KLRG1: variants seen among roughly 807,000 people sequenced by gnomAD.
The protein encoded by KLRG1 is killer cell lectin-like receptor subfamily G member 1.
In KLRG1, 16 loss-of-function variants were observed where a neutral mutation model predicts 21.8. The ratio of observed to expected loss-of-function variants is 0.73; its 90% CI spans 0.50 to 1.11. KLRG1 has a LOEUF of 1.11. KLRG1 is among the 50% of genes most tolerant of loss of function. KLRG1 has a pLI of 0.00. For synonymous variants in KLRG1, 69 were observed against 75.9 expected, an observed-to-expected ratio of 0.91 and a Z score of 0.47; for missense variants, 173 against 218.3, an observed-to-expected ratio of 0.79 and a Z score of 1.31.
the KLRG1 span, chr12:9,028,014 A>G: frequency 8.4e-7 from 1 of 1,190,938 alleles, no homozygotes; most frequent in Non-Finnish European, 1.2e-6. Flanking sequence ...AGTCTTATCC[A>G]CGGAGTCATG....
At position 9,009,532 on chromosome 12, in the gene KLRG1, C is replaced by T; in HGVS notation, c.565C>T (p.Leu189Phe). Residue 189 changes from leucine (L) to phenylalanine (F), a missense_variant, in exon 5 of 5, where the codon CTT becomes TTT. Leu to Phe is a conservative substitution (Grantham distance 22, BLOSUM62 0). Coordinates refer to ENST00000356986, the MANE Select transcript of KLRG1 (RefSeq NM_005810.4). ...PLHWVCKKVR[L>F] ...ACACTGGGTGTGTAAGAAGGTCAGA[C>T]TTTGATAGATGACCACTCTGTCCTG... The T allele has an allele frequency of 6.2e-7, 1 of 1,613,796 alleles. No homozygotes were observed.
At chr12:9,196,207 T>C in the KLRG1 span, 6 of 586,958 alleles carry the variant, frequency 1.0e-5, no homozygotes, top group Non-Finnish European at 1.8e-5. Flanking sequence ...TTCTCCTTGG[T>C]TTCATGGTTT....
At chr12:9,147,822 T>A in the KLRG1 span, among the ~76,000 whole-genome samples, 2 of 152,186 alleles carry the variant, frequency 1.3e-5, no homozygotes, top group East Asian at 3.8e-4. Context: ...GCAAAATATC[T>A]TATAGCCTTC....
intron 1 of KLRG1, among the ~76,000 whole-genome samples, chr12:8,960,575 G>C (rs1422759077): frequency 6.6e-6 from 1 of 152,142 alleles, no homozygotes; most frequent in East Asian, 1.9e-4. Context: ...CCCTGATAAA[G>C]CTTTAATATG....
chr12:9,068,018 A>G, the KLRG1 span: 1 of 979,256 alleles, frequency 1.0e-6, no homozygotes, highest in Non-Finnish European at 1.6e-6. Context: ...GAGGTTTGAC[A>G]GAGTCAGCGG....
the KLRG1 span, chr12:9,192,620 C>G: frequency 6.2e-7 from 1 of 1,614,118 alleles, no homozygotes; most frequent in Non-Finnish European, 8.5e-7. Context: ...CAGCCACAGG[C>G]TCCAGGTGAA....
chr12:9,132,233 C>A, the KLRG1 span, among the ~76,000 whole-genome samples: 1 of 152,214 alleles, frequency 6.6e-6, no homozygotes, highest in African/African-American at 2.4e-5. Context: ...CTTGGAACAC[C>A]AACCTATGGA....
At chr12:9,069,905 T>C in the KLRG1 span, 1 of 1,067,906 alleles carries the variant, frequency 9.4e-7, no homozygotes, top group Non-Finnish European at 1.4e-6. Context: ...AAAATAACCC[T>C]GAGGGTAGAA....
the KLRG1 span, chr12:9,116,152 CT>C: frequency 2.7e-6 from 1 of 368,816 alleles, no homozygotes; most frequent in Non-Finnish European, 5.3e-6. Flanking sequence ...AGCTAATAAG[CT>C]TTTCAACCTC....
the KLRG1 span, among the ~76,000 whole-genome samples, chr12:9,210,283 C>T: frequency 6.6e-5 from 10 of 152,116 alleles, no homozygotes; most frequent in Admixed American, 6.5e-4. Flanking sequence ...CCTTAATTTT[C>T]ATTATTAATG....
chr12:9,011,597 T>C (rs1212699600), downstream of KLRG1, among the ~76,000 whole-genome samples: 1 of 152,030 alleles, frequency 6.6e-6, no homozygotes, highest in African/African-American at 2.4e-5. Flanking sequence ...CACTGATTTT[T>C]CCCCCGCAGG....
the KLRG1 span, chr12:9,151,530 G>T: frequency 8.1e-7 from 1 of 1,235,790 alleles, no homozygotes; most frequent in Non-Finnish European, 1.2e-6. Flanking sequence ...TCATGTTACC[G>T]ACTATTCTAG....
the KLRG1 span, chr12:9,165,028 A>G: frequency 7.5e-7 from 1 of 1,327,240 alleles, no homozygotes; most frequent in Middle Eastern, 1.9e-4. Flanking sequence ...TCACAGTGCT[A>G]ACACACAATC....
the KLRG1 span, chr12:9,090,234 C>A: frequency 6.7e-7 from 1 of 1,501,146 alleles, no homozygotes; most frequent in South Asian, 1.2e-5. Flanking sequence ...GAATAAAAGG[C>A]AAAGGAAAAA....
At chr12:8,964,827 A>G (rs1224057756) in intron 1 of KLRG1, among the ~76,000 whole-genome samples, 1 of 150,082 alleles carries the variant, frequency 6.7e-6, no homozygotes, top group Non-Finnish European at 1.5e-5. Flanking sequence ...TGTTGGTTTA[A>G]AGTCTGTTTT....
At chr12:9,074,523 C>T in the KLRG1 span, 1 of 1,542,362 alleles carries the variant, frequency 6.5e-7, no homozygotes, top group Non-Finnish European at 8.8e-7. Flanking sequence ...CTTTTGCTAC[C>T]TGAAGGTGAA....
At chr12:9,072,463 G>C in the KLRG1 span, 14 of 1,612,294 alleles carry the variant, frequency 8.7e-6, no homozygotes, top group East Asian at 3.1e-4. Context: ...CCTTTTCTGG[G>C]AGAATATTGT....
At chr12:8,974,673 T>C (rs1946628263) in intron 1 of KLRG1, among the ~76,000 whole-genome samples, 1 of 152,206 alleles carries the variant, frequency 6.6e-6, no homozygotes, top group Non-Finnish European at 1.5e-5. Context: ...TTACATTCAT[T>C]GATTTGCTAG....
At chr12:9,101,160 A>G in the KLRG1 span, 9 of 1,560,824 alleles carry the variant, frequency 5.8e-6, no homozygotes, top group African/African-American at 1.2e-4. Flanking sequence ...CCTGCTTCAC[A>G]AGCAGTCCAT....
Sources: allele counts gnomAD v4.1 joint callset (sites outside exome capture counted in the v4.1 genomes callset), GRCh38; gene constraint gnomAD v4.1.1; transcripts MANE v1.5; gene names NCBI Gene and HGNC (gene_info 2026-07-23, HGNC 2026-07-21).